The following PDE12 variants were observed in gnomAD, a reference collection of about 807,000 sequenced individuals.
PDE12 encodes 2',5'-phosphodiesterase 12.
Under a neutral mutation model 45.4 loss-of-function variants are expected in PDE12, and 26 were observed. That is an observed-to-expected ratio of 0.57 (90% confidence interval 0.42 to 0.79). The LOEUF is 0.79. Among genes scored for constraint, PDE12 ranks in the 30% least tolerant of loss-of-function variants. PDE12 has a pLI of 0.00. For missense variants in PDE12, 668 were observed against 790.0 expected (o/e 0.85, Z 1.85); for synonymous variants, 283 against 323.9 (o/e 0.87, Z 1.36).
the PDE12 span, among the ~76,000 whole-genome samples, chr3:57,648,313 A>T: frequency 1.3e-5 from 2 of 152,228 alleles, no homozygotes; most frequent in Non-Finnish European, 2.9e-5. Flanking sequence ...AGACCTCTAC[A>T]GGGAAAATGA....
chr3:57,596,963 C>G, the PDE12 span: 1 of 1,199,100 alleles, frequency 8.3e-7, no homozygotes, highest in African/African-American at 1.6e-5. Context: ...CCCGACCCGG[C>G]GCCCCTCCCC....
At chr3:57,587,548 T>C in the PDE12 span, among the ~76,000 whole-genome samples, 1 of 152,068 alleles carries the variant, frequency 6.6e-6, no homozygotes, top group African/African-American at 2.4e-5. Context: ...AAATCATGTA[T>C]TACTTTTATG....
At chr3:57,644,491 G>A in the PDE12 span, among the ~76,000 whole-genome samples, 1 of 150,530 alleles carries the variant, frequency 6.6e-6, no homozygotes, top group Non-Finnish European at 1.5e-5. Context: ...TTTTTTTTGT[G>A]GAGACAGGGT....
the PDE12 span, chr3:57,597,461 G>T: frequency 4.5e-6 from 1 of 223,742 alleles, no homozygotes; most frequent in Admixed American, 5.7e-5. Flanking sequence ...CGTCACCGCC[G>T]CCCCATCCCC....
chr3:57,562,371 T>C lies in PDE12; in HGVS notation c.*2367T>C, dbSNP rs1218050195. The C allele has an allele frequency of 6.6e-6, 1 of 152,536 alleles. No homozygotes were observed. Among genetic ancestry groups the C allele is most frequent in the Non-Finnish European group, 1.5e-5 (1 of 68,350 alleles). The allele number at this position is 152,536 out of a possible 1,614,324, so 9.4% of individuals were successfully genotyped here. A position where few individuals can be genotyped will look rare whatever the true frequency, so the allele number is the denominator to read the frequency against. On this transcript the variant is annotated 3_prime_UTR_variant, in exon 3 of 3. Transcript: ENST00000311180. ...ACATTATTAGGACATGGAATGTTAT[T>C]GTGAAGTGCCATATACTGTGATCAA... is the stretch of plus-strand genomic sequence containing the variant.
chr3:57,622,461 T>G, the PDE12 span, among the ~76,000 whole-genome samples: 2 of 152,218 alleles, frequency 1.3e-5, no homozygotes, highest in African/African-American at 4.8e-5. Flanking sequence ...GCTGGAACTT[T>G]CATACAATAC....
In PDE12 at chr3:57,556,347, G is replaced by T; in HGVS notation, c.-33G>T. 6.6e-7 allele frequency: 1 copy of T among 1,524,244 alleles called. No individual in the cohort carries two copies. The allele number at this position is 1,524,244 out of a possible 1,614,324, so 94.4% of individuals were successfully genotyped here. On this transcript the variant is annotated 5_prime_UTR_variant, in exon 1 of 3. Transcript: ENST00000311180. The surrounding 1 kb of genome is among the most constrained non-coding windows in gnomAD (Gnocchi z 5.0). Reference sequence around the variant, plus strand: ...CCTGACAGTAGGCCGCTGATCGGCCGCGGGTCTTGTCGACCGCTAGGCCAC... The same window carrying T: ...CCTGACAGTAGGCCGCTGATCGGCCTCGGGTCTTGTCGACCGCTAGGCCAC...
chr3:57,597,318 A>T, the PDE12 span: 1 of 583,884 alleles, frequency 1.7e-6, no homozygotes, highest in Admixed American at 3.1e-5. Context: ...CACAGGAATA[A>T]GCCGGTAGAG....
At chr3:57,617,121 T>C in the PDE12 span, among the ~76,000 whole-genome samples, 3 of 151,976 alleles carry the variant, frequency 2.0e-5, no homozygotes, top group Non-Finnish European at 2.9e-5. Flanking sequence ...AAAAATATTC[T>C]AGGCCAGGCA....
At chr3:57,623,784 T>A in the PDE12 span, among the ~76,000 whole-genome samples, 1 of 152,206 alleles carries the variant, frequency 6.6e-6, no homozygotes, top group African/African-American at 2.4e-5. Context: ...TACCATAATG[T>A]ATTCAGACTG....
the PDE12 span, among the ~76,000 whole-genome samples, chr3:57,610,966 C>T: frequency 1.1e-4 from 16 of 152,164 alleles, no homozygotes; most frequent in Admixed American, 2.0e-4. Context: ...GGAGGCATCA[C>T]GCTACATGAC....
chr3:57,580,775 T>C, the PDE12 span, among the ~76,000 whole-genome samples: 1 of 98,744 alleles, frequency 1.0e-5, no homozygotes, highest in South Asian at 2.9e-4. Flanking sequence ...ATTTTTATTC[T>C]TTTTTTTTTT....
At chr3:57,605,814 AGACTT>A in the PDE12 span, among the ~76,000 whole-genome samples, 1 of 152,198 alleles carries the variant, frequency 6.6e-6, no homozygotes, top group Non-Finnish European at 1.5e-5. Flanking sequence ...TATTTTTAAA[AGACTT>A]GAGCATCTAG....
chr3:57,654,605 T>C, the PDE12 span: 11 of 977,770 alleles, frequency 1.1e-5, no homozygotes, highest in Admixed American at 2.5e-4. Context: ...GGCAAGAAAA[T>C]GTCTATTTCT....
the PDE12 span, among the ~76,000 whole-genome samples, chr3:57,652,015 T>C: frequency 5.3e-5 from 8 of 151,986 alleles, no homozygotes; most frequent in Non-Finnish European, 8.8e-5. Flanking sequence ...CTGGGTAACA[T>C]AGCAAGACAC....
At chr3:57,571,312 A>G (rs1001626791), downstream of PDE12, 2 of 152,402 alleles carry the variant, frequency 1.3e-5, no homozygotes, top group Non-Finnish European at 2.9e-5. Flanking sequence ...AGTTGGCTAC[A>G]TAAGAAAATA....
chr3:57,570,562 G>A (rs1480351878), downstream of PDE12, among the ~76,000 whole-genome samples: 1 of 151,914 alleles, frequency 6.6e-6, no homozygotes, highest in Non-Finnish European at 1.5e-5. Context: ...TTTTTTAAAA[G>A]TATGCATTTG....
chr3:57,584,091 T>C, the PDE12 span: 1 of 931,780 alleles, frequency 1.1e-6, no homozygotes, highest in African/African-American at 1.7e-5. Flanking sequence ...TAGAATAGTG[T>C]TTTTAAAGTA....
downstream of PDE12, among the ~76,000 whole-genome samples, chr3:57,570,635 G>A (rs2069831173): frequency 1.3e-5 from 2 of 152,114 alleles, no homozygotes; most frequent in African/African-American, 4.8e-5. Flanking sequence ...AATGCAACAT[G>A]AGAATATAGA....
Sources: gnomAD v4.1 joint callset for allele counts (sites outside exome capture counted in the v4.1 genomes callset) on GRCh38, gnomAD v4.1.1 for gene constraint, Gnocchi (gnomAD v3.1) non-coding constraint, MANE v1.5 for transcripts, NCBI Gene and HGNC (gene_info 2026-07-23, HGNC 2026-07-21) for gene names.